LTK: variants seen among roughly 807,000 people sequenced by gnomAD.
LTK encodes the protein leukocyte receptor tyrosine kinase.
A neutral mutation model predicts 101.5 loss-of-function variants in LTK; 117 were observed. The ratio of observed to expected loss-of-function variants is 1.15; its 90% CI spans 0.99 to 1.34. The LOEUF is 1.34. Among genes scored for constraint, LTK ranks in the 40% most tolerant of loss-of-function variants. The pLI is 0.00. For synonymous variants in LTK, 563 were observed against 494.2 expected (o/e 1.14, Z -1.85); for missense variants, 1,252 against 1,164.7 (o/e 1.07, Z -1.09).
Position 41,504,886 on chromosome 15 carries a change from A to G in LTK, c.2019-12T>C, listed in dbSNP as rs1310018244. 1 of 1,609,142 alleles carries G rather than the reference A, an allele frequency of 6.2e-7. No individual in the cohort carries two copies. The highest frequency in any genetic ancestry group is 1.1e-5 in the South Asian group (1 of 90,080). On this transcript the variant is annotated splice_polypyrimidine_tract_variant and intron_variant, in intron 16 of 19. Transcript: ENST00000263800. Reference sequence around the variant, plus strand: ...GGTAATAACTGGCCCTACAGGAGGGAGGAGGTGAATGATGAGTTGTTCACC... The same window carrying G: ...GGTAATAACTGGCCCTACAGGAGGGGGGAGGTGAATGATGAGTTGTTCACC...
Position 41,505,508 on chromosome 15 carries a change from C to A in LTK, c.1720G>T (p.Val574Leu), listed in dbSNP as rs2051245806. ...IISKFRHQNI[V>L]RCVGLSLRAT... Reference sequence around the variant, plus strand: ...CTGAGGCTGAGCCCCACACACCGCACAATGTTCTGATGGCGAAACTTGCTG... The same window carrying A: ...CTGAGGCTGAGCCCCACACACCGCAAAATGTTCTGATGGCGAAACTTGCTG... The change falls in exon 14 of 20, where the codon GTG becomes TTG. Residue 574 changes from valine to leucine, a missense_variant. Val to Leu is a conservative substitution (Grantham distance 32). Coordinates refer to ENST00000263800, the MANE Select transcript of LTK (RefSeq NM_002344.6). 1 of 1,614,006 alleles carries A rather than the reference C, an allele frequency of 6.2e-7. No individual in the cohort carries two copies. Among genetic ancestry groups the A allele is most frequent in the Non-Finnish European group, 8.5e-7 (1 of 1,179,984 alleles).
intron 7 of LTK, among the ~76,000 whole-genome samples, chr15:41,510,957 C>T (rs948364111): frequency 6.6e-6 from 1 of 152,156 alleles, no homozygotes; most frequent in Non-Finnish European, 1.5e-5. Context: ...CTGGATTAAA[C>T]GGAAATCTAG....
At position 41,505,796 on chromosome 15, in the gene LTK, C is replaced by G. The variant is rs746651642; in HGVS notation, c.1633-19G>C. On this transcript the variant is annotated intron_variant, in intron 12 of 19. Coordinates refer to ENST00000263800, the MANE Select transcript of LTK (RefSeq NM_002344.6). ...GCAGGGTCTGGGGAGGAAAAGGGCACAGTTTCTGAGCTGCCCTGCACGCTT... is the reference window on the plus strand; with the variant it reads ...GCAGGGTCTGGGGAGGAAAAGGGCAGAGTTTCTGAGCTGCCCTGCACGCTT... 1.2e-6 allele frequency: 2 copies of G among 1,613,074 alleles called. No homozygotes were observed. The highest frequency in any genetic ancestry group is 1.7e-5 in the Admixed American group (1 of 59,948).
chr15:41,511,141 G>A lies in LTK; in HGVS notation c.997+23C>T, dbSNP rs1030312070. The A allele has an allele frequency of 4.3e-6, 6 of 1,387,012 alleles. No homozygotes were observed. The highest frequency in any genetic ancestry group is 4.6e-6 in the Non-Finnish European group (5 of 1,076,722). The allele number at this position is 1,387,012 out of a possible 1,614,324, so 85.9% of individuals were successfully genotyped here. ...ACCTCACCCTCGGGCCTGCTCAGCTGCCCTCTCCAACGGTGCACCTACCCC... is the reference window on the plus strand; with the variant it reads ...ACCTCACCCTCGGGCCTGCTCAGCTACCCTCTCCAACGGTGCACCTACCCC... On this transcript the variant is annotated intron_variant, in intron 7 of 19. Coordinates refer to ENST00000263800, the MANE Select transcript of LTK (RefSeq NM_002344.6). This position sits in a 1 kb window ranked among gnomAD's most constrained non-coding sequence, Gnocchi z 5.9.
At position 41,513,109 on chromosome 15, in the gene LTK, A is replaced by G. The variant is rs1314870972; in HGVS notation, c.55T>C (p.Cys19Arg). ...VWFGAAGAIL[C>R]SSPGSQETFL... ...GTCTCCTGGGACCCCGGGCTAGAGC[A>G]GAGAATGGCGCCTGAAAGGTGTTGG... is the stretch of plus-strand genomic sequence containing the variant. Residue 19 changes from cysteine to arginine, a missense_variant, in exon 2 of 20, where the codon TGC becomes CGC. Physicochemically the swap from Cys to Arg is radical, Grantham distance 180. Coordinates refer to ENST00000263800, the MANE Select transcript of LTK (RefSeq NM_002344.6). 6.2e-7 allele frequency: 1 copy of G among 1,603,172 alleles called. No homozygotes were observed. Among genetic ancestry groups the G allele is most frequent in the East Asian group, 2.2e-5 (1 of 44,518 alleles).
In LTK at chr15:41,509,168, TG is replaced by T. The variant is rs1248408294; in HGVS notation, c.998-40del. On this transcript the variant is annotated intron_variant, in intron 7 of 19. Transcript: ENST00000263800. ...GTGATGGAGAGTTTGACTACAAAAA[TG>T]GGGGATGGGGGAGAAGCTGGAATCT... is the stretch of plus-strand genomic sequence containing the variant. The T allele has an allele frequency of 5.0e-6, 6 of 1,195,606 alleles. No homozygotes were observed. The Admixed American group carries it at 6.8e-5, about 13-fold the overall frequency. The allele number at this position is 1,195,606 out of a possible 1,614,324, so 74.1% of individuals were successfully genotyped here. A position where few individuals can be genotyped will look rare whatever the true frequency, so the allele number is the denominator to read the frequency against.
At position 41,504,357 on chromosome 15, in the gene LTK, C is replaced by A. The variant is rs745619686; in HGVS notation, c.2331G>T (p.Leu777=). ...GGGGGCACACCTGAGTGCAGTACTG[C>A]AGACGCTCCAAGATGCTGGCAAAGC... ...RPSFASILER[L]QYCTQDPDVL... is the part of the protein sequence containing the mutation. The change falls in exon 19 of 20, where the codon CTG becomes CTT. Residue 777 remains leucine, a synonymous_variant. Transcript: ENST00000263800. 3 of 1,614,138 alleles carry A rather than the reference C, an allele frequency of 1.9e-6. No homozygotes were observed. Among genetic ancestry groups the A allele is most frequent in the South Asian group, 2.2e-5 (2 of 91,086 alleles).
chr15:41,510,209 T>A (rs2140723483), intron 7 of LTK, among the ~76,000 whole-genome samples: 1 of 151,646 alleles, frequency 6.6e-6, no homozygotes, highest in African/African-American at 2.4e-5. Flanking sequence ...GGTTTCACCA[T>A]ATTGGCCAGG....
chr15:41,503,738 G>A lies in LTK; in HGVS notation c.*258C>T. The A allele has an allele frequency of 3.1e-6, 2 of 648,724 alleles. No homozygotes were observed. Among genetic ancestry groups the A allele is most frequent in the South Asian group, 1.5e-5 (1 of 65,908 alleles). The allele number at this position is 648,724 out of a possible 1,614,324, so 40.2% of individuals were successfully genotyped here. A position where few individuals can be genotyped will look rare whatever the true frequency, so the allele number is the denominator to read the frequency against. On this transcript the variant is annotated 3_prime_UTR_variant, in exon 20 of 20. Coordinates refer to ENST00000263800, the MANE Select transcript of LTK (RefSeq NM_002344.6). Reference sequence around the variant, plus strand: ...GGAGAGCAATCCAGTGCTCCCCATGGACACCTGGGGTGTGTGTAAGGCGGC... The same window carrying A: ...GGAGAGCAATCCAGTGCTCCCCATGAACACCTGGGGTGTGTGTAAGGCGGC...
Position 41,510,461 on chromosome 15 carries a change from G to GT in LTK, c.997+702dup, listed in dbSNP as rs954084674. ...CCCAACTCCCAGGATAATTTCCATT[G>GT]TTTTTTTTTTAATCTTTGAGACAGA... On this transcript the variant is annotated intron_variant, in intron 7 of 19. Transcript: ENST00000263800. Among the ~76,000 whole-genome samples, 151 of 146,116 alleles carry GT rather than the reference G, an allele frequency of 1.0e-3. 1 individual carries two copies. Among genetic ancestry groups the GT allele is most frequent in the African/African-American group, 2.2e-3 (88 of 39,906 alleles).
intron 10 of LTK, 78 bp downstream of exon 10, chr15:41,507,484 G>T (rs367603132): frequency 1.3e-6 from 2 of 1,569,864 alleles, no homozygotes; most frequent in South Asian, 1.2e-5. Flanking sequence ...AGTCAGCCCC[G>T]GGACCCCGCA....
rs2051336232 is a variant in LTK, at chr15:41,507,786, C to G, written c.1250-129G>C. ...TGATGCCTTCCCCCATTATCCTGGG[C>G]AAAAGCAACCTCTCCCTCTTGAACA... On this transcript the variant is annotated intron_variant, in intron 9 of 19. Transcript: ENST00000263800. 11 of 990,386 alleles carry G rather than the reference C, an allele frequency of 1.1e-5. No individual in the cohort carries two copies. In the South Asian group the frequency reaches 1.9e-4, roughly 17 times the overall value. The allele number at this position is 990,386 out of a possible 1,614,324, so 61.3% of individuals were successfully genotyped here.
In LTK at chr15:41,511,698, GCCAGC is replaced by G. The variant is rs1024311663; in HGVS notation, c.657+114_657+118del. On this transcript the variant is annotated intron_variant, in intron 5 of 19. Transcript: ENST00000263800. The surrounding 1 kb of genome is among the most constrained non-coding windows in gnomAD (Gnocchi z 5.9). ...GGCAGGGGCCCCCAGCCCAGCCCAG[GCCAGC>G]CCAGCCCAGCGCAGGGATAGGGGGA... 4 of 1,403,358 alleles carry G rather than the reference GCCAGC, an allele frequency of 2.9e-6. No individual in the cohort carries two copies. Among genetic ancestry groups the G allele is most frequent in the African/African-American group, 3.1e-5 (2 of 65,258 alleles). 86.9% of individuals were successfully genotyped at this position (1,403,358 alleles called of 1,614,324 possible).
At chr15:41,508,305 A>G (rs2051351204) in intron 8 of LTK, 84 bp from the exon 9 acceptor site, 2 of 1,227,268 alleles carry the variant, frequency 1.6e-6, no homozygotes, top group East Asian at 4.9e-5. Context: ...ACAGTGGCAC[A>G]CGCCTATAAT....
Position 41,511,793 on chromosome 15 carries a change from C to T in LTK, c.657+24G>A. On this transcript the variant is annotated intron_variant, in intron 5 of 19. Coordinates refer to ENST00000263800, the MANE Select transcript of LTK (RefSeq NM_002344.6). The surrounding 1 kb of genome is among the most constrained non-coding windows in gnomAD (Gnocchi z 5.9). ...TGGGGAGAGGATTGGGACCCCAACG[C>T]TGAGCGCCGAAGGGAGCACGTACCC... 1 of 1,487,298 alleles carries T rather than the reference C, an allele frequency of 6.7e-7. No individual in the cohort carries two copies. The highest frequency in any genetic ancestry group is 8.9e-7 in the Non-Finnish European group (1 of 1,129,152). 92.1% of individuals were successfully genotyped at this position (1,487,298 alleles called of 1,614,324 possible).
Position 41,509,013 on chromosome 15 carries a change from TG to T in LTK, c.1096+17del. ...AAGAAGTCCAGGCCAGGCTCAGAGGTGGGGTTGGGGCCAATACCTGCCAGAG... is the reference window on the plus strand; with the variant it reads ...AAGAAGTCCAGGCCAGGCTCAGAGGTGGGTTGGGGCCAATACCTGCCAGAG... On this transcript the variant is annotated intron_variant, in intron 8 of 19. Coordinates refer to ENST00000263800, the MANE Select transcript of LTK (RefSeq NM_002344.6). 1 of 1,567,434 alleles carries T rather than the reference TG, an allele frequency of 6.4e-7. No individual in the cohort carries two copies. Among genetic ancestry groups the T allele is most frequent in the Non-Finnish European group, 8.7e-7 (1 of 1,150,142 alleles).
intron 12 of LTK, 47 bp downstream of exon 12, chr15:41,505,868 G>A (rs1233458948): frequency 4.4e-6 from 7 of 1,600,270 alleles, no homozygotes; most frequent in Non-Finnish European, 6.0e-6. Flanking sequence ...CTTCCCTTCA[G>A]GGTGTTCCGC....
At position 41,504,852 on chromosome 15, in the gene LTK, C is replaced by A. The variant is rs752969987; in HGVS notation, c.2041G>T (p.Asp681Tyr). ...CACTTGACTGGGAGCAAGGCCCGGT[C>A]CCCCCTGCGGTAATAACTGGCCCTA... ...IYRASYYRRGDRALLPVKWMP... is the reference protein window; with the variant it reads ...IYRASYYRRGYRALLPVKWMP... Residue 681 changes from aspartate (D) to tyrosine (Y), a missense_variant, in exon 17 of 20, where the codon GAC becomes TAC. Physicochemically the swap from Asp to Tyr is radical, Grantham distance 160. Coordinates refer to ENST00000263800, the MANE Select transcript of LTK (RefSeq NM_002344.6). 35 of 1,612,690 alleles carry A rather than the reference C, an allele frequency of 2.2e-5. No homozygotes were observed. In the East Asian group the frequency reaches 4.7e-4, roughly 22 times the overall value.
Position 41,509,070 on chromosome 15 carries a change from T to A in LTK, c.1057A>T (p.Ile353Leu), listed in dbSNP as rs1188042113. 6.2e-7 allele frequency: 1 copy of A among 1,613,634 alleles called. No individual in the cohort carries two copies. Among genetic ancestry groups the A allele is most frequent in the South Asian group, 1.1e-5 (1 of 91,042 alleles). The change falls in exon 8 of 20, where the codon ATA becomes TTA. Residue 353 changes from isoleucine (I) to leucine (L), a missense_variant. Ile to Leu is a conservative substitution (Grantham distance 5). Coordinates refer to ENST00000263800, the MANE Select transcript of LTK (RefSeq NM_002344.6). Reference sequence around the variant, plus strand: ...AGGAAGAGCTCGCTGCTGGGGTGTATGAAGGATACTCCATCTTCCCCATCA... The same window carrying A: ...AGGAAGAGCTCGCTGCTGGGGTGTAAGAAGGATACTCCATCTTCCCCATCA... ...WADGEDGVSFIHPSSELFLQP... is the reference protein window; with the variant it reads ...WADGEDGVSFLHPSSELFLQP...
Sources: gnomAD v4.1 joint callset for allele counts (sites outside exome capture counted in the v4.1 genomes callset) on GRCh38, gnomAD v4.1.1 for gene constraint, Gnocchi (gnomAD v3.1) non-coding constraint, MANE v1.5 for transcripts, NCBI Gene and HGNC (gene_info 2026-07-23, HGNC 2026-07-21) for gene names.